The following KCNJ6 variants were observed in gnomAD, a reference collection of about 807,000 sequenced individuals.
The protein encoded by KCNJ6 is potassium inwardly rectifying channel subfamily J member 6, also known as G protein-activated inward rectifier potassium channel 2.
In KCNJ6, 9 loss-of-function variants were observed where a neutral mutation model predicts 34.2. The observed-to-expected ratio is 0.26, with a 90% CI of 0.16 to 0.46. The LOEUF (loss-of-function observed/expected upper bound fraction) is 0.46, where lower values mean the gene tolerates loss of function less well. Among genes scored for constraint, KCNJ6 ranks in the 20% least tolerant of loss-of-function variants. The pLI is 1.00. For synonymous variants in KCNJ6, 196 were observed against 207.1 expected, an observed-to-expected ratio of 0.95 and a Z score of 0.46; for missense variants, 236 against 531.3, an observed-to-expected ratio of 0.44 and a Z score of 5.46.
intron 2 of KCNJ6, among the ~76,000 whole-genome samples, chr21:37,735,851 G>A (rs980561328): frequency 3.3e-5 from 5 of 152,192 alleles, no homozygotes; most frequent in Non-Finnish European, 5.9e-5. Flanking sequence ...TATTAGGGGA[G>A]AAAGAAACAC....
intron 1 of KCNJ6, among the ~76,000 whole-genome samples, chr21:37,895,859 C>T (rs2055784998): frequency 1.3e-5 from 2 of 152,172 alleles, no homozygotes; most frequent in South Asian, 2.1e-4. Context: ...TCAGGTATTC[C>T]CAGGGTGAAA....
At chr21:37,712,992 T>C (rs1291117414) in intron 3 of KCNJ6, among the ~76,000 whole-genome samples, 2 of 152,114 alleles carry the variant, frequency 1.3e-5, no homozygotes, top group Non-Finnish European at 2.9e-5. Flanking sequence ...CTCCTACCAT[T>C]GAGCTCCATG....
Position 37,873,207 on chromosome 21 carries a change from G to A in KCNJ6, c.-27-32498C>T, listed in dbSNP as rs562816839. ...ACATCACCATCCCAGCCATGCATGC[G>A]CTGCAGTCGTTTCTTATTAATATCA... On this transcript the variant is annotated intron_variant, in intron 1 of 3. Transcript: ENST00000609713. Among the ~76,000 whole-genome samples the A allele has an allele frequency of 1.3e-4, 20 of 152,264 alleles. 1 individual carries two copies. The highest frequency in any genetic ancestry group is 5.8e-4 in the East Asian group (3 of 5,192).
chr21:37,728,696 G>A (rs73907314), intron 2 of KCNJ6, among the ~76,000 whole-genome samples: 199 of 142,468 alleles, frequency 1.4e-3, no homozygotes, highest in African/African-American at 4.5e-3. Flanking sequence ...GTGTGTGTGT[G>A]TGTATATATA....
Position 37,744,362 on chromosome 21 carries a change from G to A in KCNJ6, c.26-29231C>T, listed in dbSNP as rs112029938. Among the ~76,000 whole-genome samples the A allele has an allele frequency of 3.7e-3, 556 of 152,150 alleles. 3 individuals are homozygous for A. The highest frequency in any genetic ancestry group is 0.011 in the African/African-American group (472 of 41,496). ...AGTATAGGTGTCTATTTTTCCAGATGAGATAAGCTGAGAGGTGACTGGGAA... is the reference window on the plus strand; with the variant it reads ...AGTATAGGTGTCTATTTTTCCAGATAAGATAAGCTGAGAGGTGACTGGGAA... On this transcript the variant is annotated intron_variant, in intron 2 of 3. Transcript: ENST00000609713.
At chr21:37,820,788 G>C (rs2055369725) in intron 2 of KCNJ6, among the ~76,000 whole-genome samples, 1 of 152,140 alleles carries the variant, frequency 6.6e-6, no homozygotes, top group Non-Finnish European at 1.5e-5. Context: ...GAAGAGCTTA[G>C]GATATAAGAA....
chr21:37,759,359 G>A (rs182450284), intron 2 of KCNJ6, among the ~76,000 whole-genome samples: 38 of 152,312 alleles, frequency 2.5e-4, no homozygotes, highest in African/African-American at 8.7e-4. Flanking sequence ...GAATGTTTGA[G>A]GGCTTGGTCA....
chr21:37,901,345 A>T (rs80140741), intron 1 of KCNJ6, among the ~76,000 whole-genome samples: 3,479 of 152,296 alleles, frequency 0.023, 134 homozygotes, highest in African/African-American at 0.077. Context: ...CTATACCCAA[A>T]ATACACTTTC....
intron 1 of KCNJ6, among the ~76,000 whole-genome samples, chr21:37,877,520 A>G (rs1010438764): frequency 2.6e-5 from 4 of 152,204 alleles, no homozygotes; most frequent in African/African-American, 7.2e-5. Flanking sequence ...CTTTCCAAAT[A>G]AAAGGAAAAG....
rs79989480 is a variant in KCNJ6 at position 37,751,847 on chromosome 21, G to A, written c.26-36716C>T. Among the ~76,000 whole-genome samples the A allele has an allele frequency of 4.2e-3, 639 of 152,264 alleles. 3 individuals are homozygous for A. Among genetic ancestry groups the A allele is most frequent in the African/African-American group, 0.014 (571 of 41,550 alleles). On this transcript the variant is annotated intron_variant, in intron 2 of 3. Coordinates refer to ENST00000609713, the MANE Select transcript of KCNJ6 (RefSeq NM_002240.5). The stretch of plus-strand genomic sequence containing the variant: ...TAGAAGCTGTGCTTTCTTGATCTGT[G>A]TGTCCTCAGGCCCTAGTACGATGCC...
chr21:37,683,056 T>G (rs977401854), intron 3 of KCNJ6, among the ~76,000 whole-genome samples: 2 of 152,228 alleles, frequency 1.3e-5, no homozygotes, highest in Non-Finnish European at 1.5e-5. Flanking sequence ...GCTTCCATAC[T>G]GTTTCTCAGT....
rs1165038638 is a variant in KCNJ6, at chr21:37,916,081, T to C, written c.-225A>G. 6.6e-6 allele frequency: 1 copy of C among 151,820 alleles called. No individual in the cohort carries two copies. Among genetic ancestry groups the C allele is most frequent in the Non-Finnish European group, 1.5e-5 (1 of 67,980 alleles). 9.4% of individuals were successfully genotyped at this position (151,820 alleles called of 1,614,324 possible). A position where few individuals can be genotyped will look rare whatever the true frequency, so the allele number is the denominator to read the frequency against. ...TAGGAGACTCCATTCTGCTCGCGGC[T>C]GCTCCGGCTCCAGGTCCGGCTTCCC... On this transcript the variant is annotated 5_prime_UTR_variant, in exon 1 of 4. Coordinates refer to ENST00000609713, the MANE Select transcript of KCNJ6 (RefSeq NM_002240.5).
chr21:37,898,482 T>A (rs1413083537), intron 1 of KCNJ6, among the ~76,000 whole-genome samples: 2 of 150,558 alleles, frequency 1.3e-5, no homozygotes, highest in African/African-American at 4.9e-5. Flanking sequence ...TCTGGGAGGC[T>A]GAGGCAGAAG....
rs185526646 is a variant in KCNJ6 at position 37,845,607 on chromosome 21, G to C, written c.-27-4898C>G. Among the ~76,000 whole-genome samples the C allele has an allele frequency of 3.3e-5, 5 of 152,330 alleles. No individual in the cohort carries two copies. The East Asian group carries it at 9.6e-4, about 29-fold the overall frequency. On this transcript the variant is annotated intron_variant, in intron 1 of 3. Coordinates refer to ENST00000609713, the MANE Select transcript of KCNJ6 (RefSeq NM_002240.5). Reference sequence around the variant, plus strand: ...AGACAATGTATATAAATACAGTCAAGTGTAATGTCCATGTGTGGGTTTGTA... The same window carrying C: ...AGACAATGTATATAAATACAGTCAACTGTAATGTCCATGTGTGGGTTTGTA...
chr21:37,817,415 C>G (rs779555054), intron 2 of KCNJ6, among the ~76,000 whole-genome samples: 61 of 152,134 alleles, frequency 4.0e-4, no homozygotes, highest in Non-Finnish European at 4.7e-4. Context: ...ATACTAAGTG[C>G]TATGCAAATA....
chr21:37,751,946 A>G (rs1358558274), intron 2 of KCNJ6, among the ~76,000 whole-genome samples: 2 of 152,228 alleles, frequency 1.3e-5, no homozygotes, highest in Non-Finnish European at 2.9e-5. Context: ...GAAGGAAGAC[A>G]TTTCCACTGG....
In KCNJ6 at chr21:37,617,040, CTTTCTTTCTTTCTTTTCTTTTCT is replaced by C. The variant is rs1305145779; in HGVS notation, c.*8096_*8118del. 6.5e-4 allele frequency: 11 copies of C among 16,994 alleles called. No individual in the cohort carries two copies. Among genetic ancestry groups the C allele is most frequent in the African/African-American group, 1.6e-3 (9 of 5,630 alleles). 1.1% of individuals were successfully genotyped at this position (16,994 alleles called of 1,614,324 possible). On this transcript the variant is annotated 3_prime_UTR_variant, in exon 4 of 4. Coordinates refer to ENST00000609713, the MANE Select transcript of KCNJ6 (RefSeq NM_002240.5). ...TCTTTCTTTCTTTCTTTCTTTCTTT[CTTTCTTTCTTTCTTTTCTTTTCT>C]TTTCTTTTCTTTTCTTTCTTTTTCT... is the stretch of plus-strand genomic sequence containing the variant.
At position 37,859,487 on chromosome 21, in the gene KCNJ6, TTATATATATATA is replaced by T. The variant is rs55859652; in HGVS notation, c.-27-18790_-27-18779del. On this transcript the variant is annotated intron_variant, in intron 1 of 3. Transcript: ENST00000609713. ...ATTTTAACTATGGGCTTATATTACT[TTATATATATATA>T]TATATATATATATATATATATATAT... Among the ~76,000 whole-genome samples the T allele has an allele frequency of 8.5e-3, 714 of 84,290 alleles. 14 individuals are homozygous for T. The highest frequency in any genetic ancestry group is 0.015 in the African/African-American group (255 of 16,626). 55.3% of individuals were successfully genotyped at this position (84,290 alleles called of 152,430 possible).
chr21:37,756,370 C>G (rs944453794), intron 2 of KCNJ6, among the ~76,000 whole-genome samples: 3 of 152,178 alleles, frequency 2.0e-5, no homozygotes, highest in African/African-American at 7.2e-5. Context: ...ACAGACCCCA[C>G]GGTCAGAGAA....
Sources: allele counts gnomAD v4.1 joint callset (sites outside exome capture counted in the v4.1 genomes callset), GRCh38; gene constraint gnomAD v4.1.1; transcripts MANE v1.5; gene names NCBI Gene and HGNC (gene_info 2026-07-23, HGNC 2026-07-21).